ZDHHC14: variants seen among roughly 807,000 people sequenced by gnomAD.
The protein encoded by ZDHHC14 is palmitoyltransferase ZDHHC14.
A neutral mutation model predicts 47.7 loss-of-function variants in ZDHHC14; 16 were observed. That is an observed-to-expected ratio of 0.34 (90% CI 0.23 to 0.51). The LOEUF is 0.51. Among genes scored for constraint, ZDHHC14 ranks in the 20% least tolerant of loss-of-function variants. ZDHHC14 has a pLI of 0.97. For synonymous variants in ZDHHC14, 293 were observed against 278.9 expected, an observed-to-expected ratio of 1.05 and a Z score of -0.50; for missense variants, 515 against 662.5, an observed-to-expected ratio of 0.78 and a Z score of 2.44.
At chr6:157,652,349 CGGGGATG>C (rs1777878876) in intron 7 of ZDHHC14, among the ~76,000 whole-genome samples, 1 of 152,114 alleles carries the variant, frequency 6.6e-6, no homozygotes, top group Admixed American at 6.5e-5. Context: ...TCCTCAGAGG[CGGGGATG>C]GGCATGGCCT....
chr6:157,602,971 A>T (rs535787932), intron 3 of ZDHHC14, among the ~76,000 whole-genome samples: 1 of 152,334 alleles, frequency 6.6e-6, no homozygotes, highest in South Asian at 2.1e-4. Flanking sequence ...GCCACCAGTC[A>T]TGTCTGCACC....
chr6:157,628,311 G>T, intron 3 of ZDHHC14, 38 bp from the exon 4 acceptor site: 1 of 1,568,530 alleles, frequency 6.4e-7, no homozygotes, highest in South Asian at 1.2e-5. Flanking sequence ...TTTATTAATT[G>T]ATTTCCACTT....
chr6:157,489,016 C>T (rs191068048), intron 1 of ZDHHC14, among the ~76,000 whole-genome samples: 3 of 152,246 alleles, frequency 2.0e-5, no homozygotes, highest in East Asian at 1.9e-4. Context: ...TGATGCTGTG[C>T]GGTTTGTTTA....
At chr6:157,608,475 C>T (rs1022077490) in intron 3 of ZDHHC14, among the ~76,000 whole-genome samples, 1 of 152,130 alleles carries the variant, frequency 6.6e-6, no homozygotes. Context: ...GAGGAAGCAG[C>T]GTCCCATCTG....
At chr6:157,441,818 A>G (rs1168566427) in intron 1 of ZDHHC14, among the ~76,000 whole-genome samples, 1 of 152,212 alleles carries the variant, frequency 6.6e-6, no homozygotes, top group Non-Finnish European at 1.5e-5. Context: ...AGCCTGGGCA[A>G]CAGAGTGAGA....
intron 2 of ZDHHC14, among the ~76,000 whole-genome samples, chr6:157,561,799 T>C (rs1163728268): frequency 6.6e-6 from 1 of 152,138 alleles, no homozygotes; most frequent in Non-Finnish European, 1.5e-5. Context: ...GCTGGGATTA[T>C]AGGTGTGCAC....
intron 1 of ZDHHC14, among the ~76,000 whole-genome samples, chr6:157,443,503 G>C (rs551614657): frequency 2.6e-5 from 4 of 152,138 alleles, no homozygotes; most frequent in Admixed American, 6.5e-5. Context: ...AGCACCGTGA[G>C]CTATGAAGAA....
At chr6:157,599,173 A>G (rs1410826768) in intron 3 of ZDHHC14, among the ~76,000 whole-genome samples, 6 of 152,234 alleles carry the variant, frequency 3.9e-5, no homozygotes, top group African/African-American at 1.2e-4. Flanking sequence ...TAGTTAATCT[A>G]AGCAGAAGAG....
rs1347609976 is a variant in ZDHHC14, at chr6:157,582,052, T to C, written c.407-10936T>C. ...CTGGAACTACAGGCACACGCCACCA[T>C]GCCTGGCTAATTTTTTGTATTTTTA... On this transcript the variant is annotated intron_variant, in intron 2 of 8. Transcript: ENST00000359775. The surrounding 1 kb of genome is among the most constrained non-coding windows in gnomAD (Gnocchi z 4.3). Among the ~76,000 whole-genome samples the C allele has an allele frequency of 1.3e-5, 2 of 152,136 alleles. No homozygotes were observed. The highest frequency in any genetic ancestry group is 2.9e-5 in the Non-Finnish European group (2 of 67,998).
rs191946864 is a variant in ZDHHC14, at chr6:157,649,935, G to A, written c.965+2567G>A. On this transcript the variant is annotated intron_variant, in intron 7 of 8. Coordinates refer to ENST00000359775, the MANE Select transcript of ZDHHC14 (RefSeq NM_024630.3). The stretch of plus-strand genomic sequence containing the variant: ...GCCCATGTGCGGTGGAGCCAGTTCC[G>A]TGCCAGGCGCTGGGGGTGCACGGGA... 2.6e-5 allele frequency among the ~76,000 whole-genome samples: 4 copies of A among 152,208 alleles called. No individual in the cohort carries two copies. In the East Asian group the frequency reaches 5.8e-4, roughly 22 times the overall value.
At chr6:157,510,595 C>G (rs1780440248) in intron 1 of ZDHHC14, among the ~76,000 whole-genome samples, 1 of 152,256 alleles carries the variant, frequency 6.6e-6, no homozygotes, top group African/African-American at 2.4e-5. Context: ...AGGGCCTCCC[C>G]CTACCTTCTG....
chr6:157,629,516 G>A (rs1383266517), intron 4 of ZDHHC14: 1 of 152,130 alleles, frequency 6.6e-6, no homozygotes, highest in Admixed American at 6.5e-5. Flanking sequence ...CTCTTCTGGT[G>A]GGTTCGTATG....
intron 1 of ZDHHC14, among the ~76,000 whole-genome samples, chr6:157,481,036 A>T: frequency 6.6e-6 from 1 of 152,174 alleles, no homozygotes; most frequent in East Asian, 1.9e-4. Context: ...AAAAACCCTG[A>T]CACTGTGCTA....
chr6:157,449,173 G>A (rs976719531), intron 1 of ZDHHC14, among the ~76,000 whole-genome samples: 1 of 152,130 alleles, frequency 6.6e-6, no homozygotes, highest in African/African-American at 2.4e-5. Context: ...TTTCCTAGGG[G>A]GTGGAGTTAA....
chr6:157,541,527 A>G (rs549413910), intron 1 of ZDHHC14, among the ~76,000 whole-genome samples: 13 of 152,348 alleles, frequency 8.5e-5, no homozygotes, highest in Non-Finnish European at 1.9e-4. Context: ...TCTTGAGAAC[A>G]TAGAAGAGAA....
chr6:157,547,895 T>A (rs1029218374), intron 2 of ZDHHC14, among the ~76,000 whole-genome samples: 6 of 151,612 alleles, frequency 4.0e-5, no homozygotes, highest in East Asian at 3.9e-4. Context: ...TGGGTTTTTT[T>A]AAGGCAGTAT....
intron 1 of ZDHHC14, among the ~76,000 whole-genome samples, chr6:157,424,109 T>A (rs546276910): frequency 9.8e-5 from 15 of 152,342 alleles, no homozygotes; most frequent in Admixed American, 2.6e-4. Flanking sequence ...CTTTTTCATA[T>A]CAAACAACAC....
At chr6:157,513,176 G>T (rs1306060177) in intron 1 of ZDHHC14, among the ~76,000 whole-genome samples, 1 of 152,192 alleles carries the variant, frequency 6.6e-6, no homozygotes, top group African/African-American at 2.4e-5. Context: ...GTGACGTCTC[G>T]CTGTTGAGCA....
intron 2 of ZDHHC14, among the ~76,000 whole-genome samples, chr6:157,550,737 T>C (rs991720756): frequency 6.6e-6 from 1 of 152,254 alleles, no homozygotes; most frequent in African/African-American, 2.4e-5. Context: ...CTCTGTAGAA[T>C]TGATGAACTC....
Sources: allele counts gnomAD v4.1 joint callset (sites outside exome capture counted in the v4.1 genomes callset), GRCh38; gene constraint gnomAD v4.1.1; non-coding constraint Gnocchi (gnomAD v3.1); transcripts MANE v1.5; gene names NCBI Gene and HGNC (gene_info 2026-07-23, HGNC 2026-07-21).